SHTN1: variants seen among roughly 807,000 people sequenced by gnomAD.
SHTN1 encodes shootin 1.
Under a neutral mutation model 83.1 loss-of-function variants are expected in SHTN1, and 42 were observed. That is an observed-to-expected ratio of 0.51 (90% CI 0.39 to 0.65). SHTN1 has a LOEUF of 0.65. SHTN1 is among the 30% of genes least tolerant of loss of function. SHTN1 has a pLI of 0.00. For synonymous variants in SHTN1, 224 were observed against 247.7 expected, an observed-to-expected ratio of 0.90 and a Z score of 0.90; for missense variants, 622 against 737.8, an observed-to-expected ratio of 0.84 and a Z score of 1.82.
chr10:116,905,069 C>T (rs1220115308), intron 15 of SHTN1, among the ~76,000 whole-genome samples: 2 of 151,496 alleles, frequency 1.3e-5, no homozygotes, highest in Admixed American at 6.6e-5. Context: ...GGCGCGGTGG[C>T]GGGCGCCTGT....
upstream of SHTN1, chr10:117,005,514 C>T: frequency 9.9e-7 from 1 of 1,007,052 alleles, no homozygotes; most frequent in Non-Finnish European, 1.2e-6. Context: ...TGTGTGGGAA[C>T]TCCACTTTGG....
At chr10:116,911,740 C>T in intron 14 of SHTN1, 50 bp downstream of exon 14, 2 of 1,575,016 alleles carry the variant, frequency 1.3e-6, no homozygotes, top group South Asian at 1.1e-5. Context: ...TTAAAATACT[C>T]TCCTTTCATT....
chr10:116,908,000 T>C (rs1180382763), intron 14 of SHTN1: 1 of 466,502 alleles, frequency 2.1e-6, no homozygotes, highest in South Asian at 1.5e-5. Flanking sequence ...TTCTTTAGCA[T>C]GTAAAACAAA....
intron 9 of SHTN1, among the ~76,000 whole-genome samples, chr10:116,937,468 T>C (rs1435858641): frequency 6.6e-6 from 1 of 152,182 alleles, no homozygotes. Flanking sequence ...ATTCTTGTCT[T>C]TAAGAATGTT....
chr10:116,952,261 A>C (rs1849807031), intron 5 of SHTN1, among the ~76,000 whole-genome samples: 1 of 152,172 alleles, frequency 6.6e-6, no homozygotes, highest in South Asian at 2.1e-4. Context: ...TTTTCTTTGC[A>C]TTCTATCAAA....
chr10:117,053,797 A>G (rs1852784709), intron 1 of SHTN1, among the ~76,000 whole-genome samples: 1 of 152,236 alleles, frequency 6.6e-6, no homozygotes, highest in Admixed American at 6.5e-5. Context: ...AAAAACCAGT[A>G]TAAGAATATT....
chr10:116,977,739 A>G (rs757866011), intron 2 of SHTN1, among the ~76,000 whole-genome samples: 1 of 151,560 alleles, frequency 6.6e-6, no homozygotes, highest in Non-Finnish European at 1.5e-5. Context: ...CAGTGGTGCA[A>G]TCATGGCTCA....
intron 2 of SHTN1, among the ~76,000 whole-genome samples, chr10:117,033,765 T>A (rs936291943): frequency 2.0e-5 from 3 of 151,970 alleles, no homozygotes; most frequent in Admixed American, 2.0e-4. Context: ...TGACTATTGA[T>A]AAAAAATCCT....
At position 116,886,527 on chromosome 10, in the gene SHTN1, G is replaced by A. The variant is rs111941372; in HGVS notation, c.1713C>T (p.Asp571=). The A allele has an allele frequency of 5.7e-5, 92 of 1,613,972 alleles. No individual in the cohort carries two copies. The African/African-American group carries it at 6.3e-4, about 11-fold the overall frequency. ...SSIGCRKKYI[D]GEKQAEPVVV... ...CAACTGGTTCGGCTTGTTTTTCACC[G>A]TCAATGTATTTTTTCCTGCATCCAA... The change falls in exon 17 of 17, where the codon GAC becomes GAT. Residue 571 remains aspartate, a synonymous_variant. Transcript: ENST00000355371.
upstream of SHTN1, among the ~76,000 whole-genome samples, chr10:117,006,247 T>TG (rs988008981): frequency 4.6e-5 from 7 of 150,796 alleles, no homozygotes; most frequent in East Asian, 1.9e-4. Flanking sequence ...TTTGTTTTTT[T>TG]TTTGTTTTTT....
chr10:117,012,757 G>T (rs1315962631), intron 2 of SHTN1, among the ~76,000 whole-genome samples: 1 of 152,040 alleles, frequency 6.6e-6, no homozygotes, highest in Non-Finnish European at 1.5e-5. Flanking sequence ...TAGATTTTAT[G>T]AAAGATAAAA....
intron 1 of SHTN1, among the ~76,000 whole-genome samples, chr10:117,115,018 G>A (rs902350389): frequency 3.3e-5 from 5 of 152,128 alleles, no homozygotes; most frequent in African/African-American, 2.4e-5. Context: ...AAATGAAGAC[G>A]GTGAGACTGA....
upstream of SHTN1, among the ~76,000 whole-genome samples, chr10:117,009,603 T>A (rs754993138): frequency 6.6e-6 from 1 of 152,036 alleles, no homozygotes; most frequent in Non-Finnish European, 1.5e-5. Flanking sequence ...GAATATATAA[T>A]TACTATAAAC....
rs756589614 is a variant in SHTN1, at chr10:116,886,477, T to A, written c.1763A>T (p.His588Leu). The A allele has an allele frequency of 1.2e-6, 2 of 1,614,156 alleles. No homozygotes were observed. Among genetic ancestry groups the A allele is most frequent in the South Asian group, 2.2e-5 (2 of 91,080 alleles). The part of the protein sequence containing the change: ...PVVVLDPVST[H>L]EPQTKDQVAE... ...AACCTGGTCTTTGGTTTGGGGTTCA[T>A]GTGTAGAAACAGGATCTAAAACTAC... The change falls in exon 17 of 17, where the codon CAT becomes CTT. Residue 588 changes from histidine to leucine, a missense_variant. By Grantham distance (99) the His-to-Leu change is moderately conservative (BLOSUM62 -3). Around this residue, in one of 3 missense-constraint regions of SHTN1, gnomAD observed 231 missense variants for 251.6 expected, o/e 0.92. Transcript: ENST00000355371.
At chr10:117,016,864 G>A (rs1422955013) in intron 2 of SHTN1, among the ~76,000 whole-genome samples, 1 of 152,038 alleles carries the variant, frequency 6.6e-6, no homozygotes, top group African/African-American at 2.4e-5. Flanking sequence ...CATACATAAA[G>A]GTATATGTAT....
At position 117,012,214 on chromosome 10, in the gene SHTN1, A is replaced by C. The variant is rs1481073456; in HGVS notation, c.-122-32906T>G. Among the ~76,000 whole-genome samples, 85 of 152,048 alleles carry C rather than the reference A, an allele frequency of 5.6e-4. 1 individual carries two copies. Among genetic ancestry groups the C allele is most frequent in the Admixed American group, 5.6e-3 (85 of 15,250 alleles). ...ATGTCAATTCTTCCAAATTTAACCT[A>C]TAGATCCAATGCAATCCCAATCCAA... On this transcript the variant is annotated intron_variant, in intron 2 of 17. Coordinates refer to the SHTN1 transcript ENST00000392901.
intron 1 of SHTN1, among the ~76,000 whole-genome samples, chr10:117,106,387 G>A (rs559354100): frequency 6.6e-5 from 10 of 150,494 alleles, no homozygotes; most frequent in Admixed American, 2.6e-4. Context: ...CCCGGGAGGC[G>A]GAGGTTGTAG....
chr10:116,954,763 G>A (rs1171859348), intron 4 of SHTN1, among the ~76,000 whole-genome samples: 2 of 152,160 alleles, frequency 1.3e-5, no homozygotes, highest in South Asian at 2.1e-4. Context: ...TAGAAATTTG[G>A]AGGCTGGAAC....
intron 1 of SHTN1, among the ~76,000 whole-genome samples, chr10:117,073,494 C>G (rs552204785): frequency 6.6e-6 from 1 of 152,248 alleles, no homozygotes; most frequent in East Asian, 1.9e-4. Flanking sequence ...CACTTAACTA[C>G]CATATTATAG....
Sources: allele counts gnomAD v4.1 joint callset (sites outside exome capture counted in the v4.1 genomes callset), GRCh38; gene constraint gnomAD v4.1.1; regional missense constraint gnomAD v4.1.1; transcripts MANE v1.5; gene names NCBI Gene and HGNC (gene_info 2026-07-23, HGNC 2026-07-21).